The following HDAC9 variants were observed in gnomAD, a reference collection of about 807,000 sequenced individuals.
HDAC9 encodes MEF-2 interacting transcription repressor (MITR) protein.
In HDAC9, 41 loss-of-function variants were observed where a neutral mutation model predicts 139.4. That is an observed-to-expected ratio of 0.29 (90% CI 0.23 to 0.38). HDAC9 has a LOEUF of 0.38. Among genes scored for constraint, HDAC9 ranks in the 10% least tolerant of loss-of-function variants. The pLI is 1.00. For synonymous variants in HDAC9, 517 were observed against 476.2 expected, an observed-to-expected ratio of 1.09 and a Z score of -1.12; for missense variants, 1,147 against 1,297.0, an observed-to-expected ratio of 0.88 and a Z score of 1.78.
At chr7:18,567,861 T>C (rs1202888768) in intron 2 of HDAC9, among the ~76,000 whole-genome samples, 1 of 151,814 alleles carries the variant, frequency 6.6e-6, no homozygotes, top group African/African-American at 2.4e-5. Flanking sequence ...TTTTAAAACA[T>C]TCAGAATAAA....
At chr7:18,302,121 C>A (rs1197663718) in intron 1 of HDAC9, among the ~76,000 whole-genome samples, 1 of 152,096 alleles carries the variant, frequency 6.6e-6, no homozygotes, top group Non-Finnish European at 1.5e-5. Context: ...TTTAAGGGTG[C>A]AAGTCATACA....
chr7:18,224,562 C>CAGT (rs1792923810), intron 2 of HDAC9, among the ~76,000 whole-genome samples: 1 of 152,260 alleles, frequency 6.6e-6, no homozygotes, highest in South Asian at 2.1e-4. Flanking sequence ...GCTTGTGTCA[C>CAGT]AGTAGGTTCT....
chr7:18,392,231 A>C (rs1176265736), intron 1 of HDAC9, among the ~76,000 whole-genome samples: 1 of 151,308 alleles, frequency 6.6e-6, no homozygotes, highest in Non-Finnish European at 1.5e-5. Context: ...GTGAACCTTC[A>C]GGTACATGAT....
chr7:18,855,120 C>T (rs781590977), intron 21 of HDAC9, among the ~76,000 whole-genome samples: 1 of 152,126 alleles, frequency 6.6e-6, no homozygotes, highest in Non-Finnish European at 1.5e-5. Context: ...CTCCAGAAGC[C>T]GTCTCTGAAA....
chr7:18,966,132 G>A (rs570656206), intron 24 of HDAC9, among the ~76,000 whole-genome samples: 10 of 152,300 alleles, frequency 6.6e-5, no homozygotes, highest in South Asian at 2.1e-4. Flanking sequence ...TGAGAAATGC[G>A]TGGAAAGTAA....
At chr7:18,594,572 G>T (rs1459349003) in intron 6 of HDAC9, among the ~76,000 whole-genome samples, 1 of 152,006 alleles carries the variant, frequency 6.6e-6, no homozygotes, top group Non-Finnish European at 1.5e-5. Flanking sequence ...AATTATATCT[G>T]ATAATCTCAT....
At chr7:18,421,462 GA>G (rs1789609085) in intron 1 of HDAC9, among the ~76,000 whole-genome samples, 1 of 149,892 alleles carries the variant, frequency 6.7e-6, no homozygotes, top group Admixed American at 6.7e-5. Flanking sequence ...GAAAGAGAAA[GA>G]AAGAAAGAAT....
At chr7:18,812,771 T>A (rs947100909) in intron 17 of HDAC9, among the ~76,000 whole-genome samples, 44 of 152,132 alleles carry the variant, frequency 2.9e-4, no homozygotes, top group South Asian at 6.2e-4. Context: ...TTTCTGAGGG[T>A]CCTATTACAT....
chr7:18,365,401 A>G (rs780297360), intron 1 of HDAC9, among the ~76,000 whole-genome samples: 5 of 152,068 alleles, frequency 3.3e-5, no homozygotes, highest in Admixed American at 1.3e-4. Flanking sequence ...AATTAGGGAG[A>G]CATAGTAGTG....
At chr7:18,839,675 T>C (rs1051885502) in intron 21 of HDAC9, among the ~76,000 whole-genome samples, 1 of 152,092 alleles carries the variant, frequency 6.6e-6, no homozygotes, top group African/African-American at 2.4e-5. Context: ...TACAAAGAAC[T>C]CTGAACATCT....
intron 22 of HDAC9, among the ~76,000 whole-genome samples, chr7:18,913,417 T>C: frequency 6.6e-6 from 1 of 152,108 alleles, no homozygotes; most frequent in East Asian, 1.9e-4. Flanking sequence ...ATCAGGCTAC[T>C]TGACATACGT....
At chr7:18,322,161 G>A (rs1317599569) in intron 1 of HDAC9, among the ~76,000 whole-genome samples, 1 of 152,088 alleles carries the variant, frequency 6.6e-6, no homozygotes, top group Admixed American at 6.5e-5. Context: ...TATCGATTTA[G>A]CAGCATTAAA....
At chr7:18,280,232 G>C (rs1022960454) in intron 2 of HDAC9, among the ~76,000 whole-genome samples, 2 of 152,072 alleles carry the variant, frequency 1.3e-5, no homozygotes, top group African/African-American at 4.8e-5. Context: ...CGGAAGGATT[G>C]CTTGAGCTTA....
intron 16 of HDAC9, among the ~76,000 whole-genome samples, chr7:18,770,788 G>C (rs1790223465): frequency 6.6e-6 from 1 of 152,178 alleles, no homozygotes; most frequent in Admixed American, 6.5e-5. Flanking sequence ...GGTTGTAAAA[G>C]TATAAAGGGG....
intron 2 of HDAC9, among the ~76,000 whole-genome samples, chr7:18,167,193 ATT>A (rs57125526): frequency 1.7e-4 from 24 of 143,076 alleles, no homozygotes; most frequent in African/African-American, 3.0e-4. Context: ...ATTGTTTTGG[ATT>A]TTTTTTTTTT....
At chr7:18,337,997 G>T (rs185644274) in intron 1 of HDAC9, among the ~76,000 whole-genome samples, 5 of 151,828 alleles carry the variant, frequency 3.3e-5, no homozygotes, top group Admixed American at 1.3e-4. Flanking sequence ...ATGTGAAAAT[G>T]CTTTGAAAAG....
At chr7:18,878,813 C>G (rs182078792) in intron 22 of HDAC9, among the ~76,000 whole-genome samples, 1 of 151,552 alleles carries the variant, frequency 6.6e-6, no homozygotes, top group Non-Finnish European at 1.5e-5. Context: ...CTAGCCAGAG[C>G]AATCAGGCAA....
chr7:18,143,494 C>T (rs1169375717), intron 1 of HDAC9, among the ~76,000 whole-genome samples: 1 of 151,994 alleles, frequency 6.6e-6, no homozygotes, highest in African/African-American at 2.4e-5. Context: ...CTGCTATGAT[C>T]AAGTAAAAAT....
intron 1 of HDAC9, among the ~76,000 whole-genome samples, chr7:18,362,641 T>C (rs1020790692): frequency 2.6e-5 from 4 of 152,174 alleles, no homozygotes; most frequent in African/African-American, 9.6e-5. Flanking sequence ...CCCTTATTCA[T>C]GTTGTAGGAA....
Sources: allele counts gnomAD v4.1 joint callset (sites outside exome capture counted in the v4.1 genomes callset), GRCh38; gene constraint gnomAD v4.1.1; transcripts MANE v1.5; gene names NCBI Gene and HGNC (gene_info 2026-07-23, HGNC 2026-07-21).